Variants in HIBCH observed in about 807,000 individuals in gnomAD.
The protein encoded by HIBCH is 3-hydroxyisobutyryl-CoA hydrolase.
A neutral mutation model predicts 58.2 loss-of-function variants in HIBCH; 50 were observed. That is an observed-to-expected ratio of 0.86 (90% confidence interval 0.68 to 1.09). The LOEUF (loss-of-function observed/expected upper bound fraction) is 1.09. Ranked by LOEUF, HIBCH falls within the 50% of genes least tolerant of loss-of-function variation. The pLI is 0.00. For missense variants in HIBCH, 450 were observed against 449.7 expected, an observed-to-expected ratio of 1.00 and a Z score of -0.01; for synonymous variants, 151 against 146.9, an observed-to-expected ratio of 1.03 and a Z score of -0.20.
At chr2:190,220,602 C>T (rs1017873987) in intron 11 of HIBCH, among the ~76,000 whole-genome samples, 2 of 151,760 alleles carry the variant, frequency 1.3e-5, no homozygotes, top group Admixed American at 6.6e-5. Flanking sequence ...TTTAATGCCC[C>T]CGATTACAGG....
intron 11 of HIBCH, among the ~76,000 whole-genome samples, chr2:190,228,509 T>C (rs1021088638): frequency 1.3e-5 from 2 of 151,026 alleles, no homozygotes; most frequent in Admixed American, 6.6e-5. Context: ...GTAACAAAGC[T>C]ACAGGTTGTG....
At chr2:190,195,641 T>A (rs1689934575) in intron 1 of HIBCH, among the ~76,000 whole-genome samples, 1 of 152,254 alleles carries the variant, frequency 6.6e-6, no homozygotes, top group South Asian at 2.1e-4. Context: ...TTAAAAGTTC[T>A]TTGTATACTT....
In HIBCH at chr2:190,197,836, T is replaced by TA. The variant is rs1690051774; in HGVS notation, c.*17+7263dup. 6.6e-6 allele frequency among the ~76,000 whole-genome samples: 1 copy of TA among 152,196 alleles called. No individual in the cohort carries two copies. The highest frequency in any genetic ancestry group is 2.4e-5 in the African/African-American group (1 of 41,448). On this transcript the variant is annotated intron_variant, in intron 1 of 1. Transcript: ENST00000399855. This position sits in a 1 kb window ranked among gnomAD's most constrained non-coding sequence, Gnocchi z 4.0. ...GCTGCTTTTGCAAAACAAAAGGTCTTAAAAAACAGAATATTCTGATGGTTC... is the reference window on the plus strand; with the variant it reads ...GCTGCTTTTGCAAAACAAAAGGTCTTAAAAAAACAGAATATTCTGATGGTTC...
intron 7 of HIBCH, among the ~76,000 whole-genome samples, chr2:190,257,176 A>G (rs1460799261): frequency 3.3e-5 from 5 of 152,220 alleles, no homozygotes; most frequent in African/African-American, 4.8e-5. Context: ...GAAAATCTTA[A>G]GAGCAGCCAA....
chr2:190,259,141 AT>A (rs934305151), intron 7 of HIBCH, among the ~76,000 whole-genome samples: 112 of 152,066 alleles, frequency 7.4e-4, no homozygotes, highest in Non-Finnish European at 1.4e-3. Context: ...TGTTTTTTCT[AT>A]TTTTTTGAAA....
rs1687081499 is a variant in HIBCH, at chr2:190,261,245, A to T, written c.439-11T>A. ...TGAGAGACCAACTCCCTAGAGAAAA[A>T]AGGCAAAAAAAGAGGCGGGGGGGAA... is the stretch of plus-strand genomic sequence containing the variant. On this transcript the variant is annotated splice_polypyrimidine_tract_variant and intron_variant, in intron 6 of 13. Coordinates refer to ENST00000359678, the MANE Select transcript of HIBCH (RefSeq NM_014362.4). The T allele has an allele frequency of 1.3e-6, 2 of 1,597,310 alleles. No individual in the cohort carries two copies. Among genetic ancestry groups the T allele is most frequent in the African/African-American group, 1.3e-5 (1 of 74,516 alleles).
intron 2 of HIBCH, 150 bp from the exon 3 acceptor site, chr2:190,297,103 AT>A: frequency 1.4e-6 from 1 of 730,712 alleles, no homozygotes; most frequent in Non-Finnish European, 2.3e-6. Context: ...TTCTGAAGTT[AT>A]TTAGATTATG....
Position 190,232,492 on chromosome 2 carries a change from C to T in HIBCH, c.891+12395G>A, listed in dbSNP as rs546187763. Among the ~76,000 whole-genome samples the T allele has an allele frequency of 5.3e-5, 8 of 152,300 alleles. No individual in the cohort carries two copies. The South Asian group carries it at 1.7e-3, about 32-fold the overall frequency. On this transcript the variant is annotated intron_variant, in intron 11 of 13. Transcript: ENST00000359678. Reference sequence around the variant, plus strand: ...AGATCTCAACTAGTTGCTGGAGGTGCAAGTACCCACTGGAAGAGGACTCTT... The same window carrying T: ...AGATCTCAACTAGTTGCTGGAGGTGTAAGTACCCACTGGAAGAGGACTCTT...
chr2:190,280,654 G>A (rs73981036), intron 6 of HIBCH, among the ~76,000 whole-genome samples: 2,169 of 33,552 alleles, frequency 0.065, 58 homozygotes, highest in African/African-American at 0.2. Flanking sequence ...TGCCTCAAAT[G>A]AGCATGCGCA....
intron 11 of HIBCH, chr2:190,213,287 C>A: frequency 1.9e-6 from 1 of 532,966 alleles, no homozygotes; most frequent in South Asian, 2.2e-5. Context: ...AATTCTGTAG[C>A]TGTGACTAAT....
intron 2 of HIBCH, among the ~76,000 whole-genome samples, chr2:190,305,755 A>T (rs1688386826): frequency 6.6e-6 from 1 of 152,192 alleles, no homozygotes; most frequent in Non-Finnish European, 1.5e-5. Flanking sequence ...GTAAAATAAT[A>T]AAAAATTATC....
rs975533991 is a variant in HIBCH at position 190,204,908 on chromosome 2, T to C, written c.*209A>G. On this transcript the variant is annotated 3_prime_UTR_variant, in exon 14 of 14. Coordinates refer to ENST00000359678, the MANE Select transcript of HIBCH (RefSeq NM_014362.4). Reference sequence around the variant, plus strand: ...CAGATAATATATAAACAGATGAGTATAGCTAGTTCCAATAAAGCTTTATTT... The same window carrying C: ...CAGATAATATATAAACAGATGAGTACAGCTAGTTCCAATAAAGCTTTATTT... 5.3e-6 allele frequency: 3 copies of C among 562,406 alleles called. No individual in the cohort carries two copies. Among genetic ancestry groups the C allele is most frequent in the Admixed American group, 2.9e-5 (1 of 34,618 alleles). The allele number at this position is 562,406 out of a possible 1,614,324, so 34.8% of individuals were successfully genotyped here.
intron 11 of HIBCH, among the ~76,000 whole-genome samples, chr2:190,230,832 T>C (rs1686074187): frequency 6.6e-6 from 1 of 152,236 alleles, no homozygotes; most frequent in South Asian, 2.1e-4. Flanking sequence ...AAACCTTTCC[T>C]ACTTTGTTGT....
intron 7 of HIBCH, among the ~76,000 whole-genome samples, chr2:190,258,793 A>C (rs1429719820): frequency 1.3e-5 from 2 of 152,138 alleles, no homozygotes; most frequent in African/African-American, 4.8e-5. Context: ...GTTTTTTTCT[A>C]AAATATAATA....
intron 6 of HIBCH, 122 bp downstream of exon 6, chr2:190,287,464 C>T (rs2105981829): frequency 1.4e-6 from 1 of 731,734 alleles, no homozygotes; most frequent in Non-Finnish European, 2.4e-6. Context: ...CCAAAATCCA[C>T]ACAATTATGT....
intron 1 of HIBCH, among the ~76,000 whole-genome samples, chr2:190,191,838 A>G (rs748477777): frequency 4.5e-4 from 68 of 151,996 alleles, no homozygotes; most frequent in Middle Eastern, 3.4e-3. Context: ...GAGTTTTGAT[A>G]CTTATATATT....
chr2:190,237,668 T>TTA (rs943345855), intron 11 of HIBCH, among the ~76,000 whole-genome samples: 83 of 152,080 alleles, frequency 5.5e-4, no homozygotes, highest in Non-Finnish European at 1.0e-4. Flanking sequence ...TGCCCCACAT[T>TTA]TATATATATA....
At chr2:190,239,800 C>T (rs1432982507) in intron 11 of HIBCH, among the ~76,000 whole-genome samples, 1 of 152,054 alleles carries the variant, frequency 6.6e-6, no homozygotes, top group Non-Finnish European at 1.5e-5. Context: ...TAGCCATGTG[C>T]CACCACGCCC....
chr2:190,310,145 A>G (rs291443), intron 2 of HIBCH, among the ~76,000 whole-genome samples: 148,159 of 152,254 alleles, frequency 0.97, 72,129 homozygotes, highest in Admixed American at 0.98. Flanking sequence ...TCAGCTTTTG[A>G]ACTCTTGGAC....
Sources: allele counts gnomAD v4.1 joint callset (sites outside exome capture counted in the v4.1 genomes callset), GRCh38; gene constraint gnomAD v4.1.1; non-coding constraint Gnocchi (gnomAD v3.1); transcripts MANE v1.5; gene names NCBI Gene and HGNC (gene_info 2026-07-23, HGNC 2026-07-21).